Variants in RBKS observed in about 807,000 individuals in gnomAD.
RBKS encodes the protein ribokinase.
A neutral mutation model predicts 33.9 loss-of-function variants in RBKS; 33 were observed. The ratio of observed to expected loss-of-function variants is 0.97; its 90% CI spans 0.74 to 1.30. RBKS has a LOEUF of 1.30. RBKS is among the 50% of genes most tolerant of loss of function. The pLI is 0.00. For missense variants in RBKS, 361 were observed against 392.6 expected (o/e 0.92, Z 0.68); for synonymous variants, 125 against 143.0 (o/e 0.87, Z 0.90).
chr2:27,805,819 C>T (rs770490919), intron 7 of RBKS, among the ~76,000 whole-genome samples: 2 of 152,140 alleles, frequency 1.3e-5, no homozygotes, highest in Admixed American at 1.3e-4. Flanking sequence ...AAGTAATCCA[C>T]CCACACTGGC....
At chr2:27,872,905 G>A (rs991251376) in intron 1 of RBKS, among the ~76,000 whole-genome samples, 5 of 152,144 alleles carry the variant, frequency 3.3e-5, no homozygotes, top group Non-Finnish European at 7.4e-5. Context: ...TGGATGCAGA[G>A]GGGTAAAGGA....
intron 6 of RBKS, among the ~76,000 whole-genome samples, chr2:27,830,449 A>G (rs923353190): frequency 2.6e-5 from 4 of 152,094 alleles, no homozygotes; most frequent in African/African-American, 9.7e-5. Context: ...TATTTTTAGT[A>G]GAGACGGGGT....
chr2:27,866,882 T>C (rs969078914), intron 1 of RBKS, among the ~76,000 whole-genome samples: 11 of 152,054 alleles, frequency 7.2e-5, no homozygotes, highest in African/African-American at 2.4e-4. Flanking sequence ...GGTGGGAGGA[T>C]TGTTTGAGCT....
chr2:27,847,702 T>C (rs374078804), intron 3 of RBKS, among the ~76,000 whole-genome samples: 1 of 152,382 alleles, frequency 6.6e-6, no homozygotes, highest in South Asian at 2.1e-4. Context: ...TGTGAAATAA[T>C]GGTTTCAGCC....
chr2:27,878,275 T>C (rs894567828), intron 1 of RBKS, among the ~76,000 whole-genome samples: 15 of 151,794 alleles, frequency 9.9e-5, no homozygotes, highest in African/African-American at 3.6e-4. Context: ...AGTGAGAATA[T>C]GTGGTGTTTG....
chr2:27,823,998 T>C (rs527276078), intron 7 of RBKS, among the ~76,000 whole-genome samples: 2 of 152,250 alleles, frequency 1.3e-5, no homozygotes, highest in South Asian at 4.1e-4. Flanking sequence ...TCCAGAACAT[T>C]TTCATCACCC....
chr2:27,803,900 A>G (rs1677847831), intron 7 of RBKS, among the ~76,000 whole-genome samples: 1 of 151,296 alleles, frequency 6.6e-6, no homozygotes, highest in South Asian at 2.1e-4. Flanking sequence ...AAAGTACAAA[A>G]ATTAGCTGGG....
intron 7 of RBKS, among the ~76,000 whole-genome samples, chr2:27,813,412 G>A (rs1678028973): frequency 6.6e-6 from 1 of 152,136 alleles, no homozygotes; most frequent in South Asian, 2.1e-4. Context: ...TCTACCATAT[G>A]AAAGAATGGA....
At chr2:27,822,721 C>T (rs907142180) in intron 7 of RBKS, among the ~76,000 whole-genome samples, 3 of 151,910 alleles carry the variant, frequency 2.0e-5, no homozygotes, top group Non-Finnish European at 4.4e-5. Context: ...CAACTCTGAA[C>T]ACTATAGGAC....
intron 7 of RBKS, among the ~76,000 whole-genome samples, chr2:27,783,453 C>T (rs879694378): frequency 5.9e-5 from 9 of 152,300 alleles, no homozygotes; most frequent in Non-Finnish European, 1.0e-4. Context: ...TTTCCATTTT[C>T]TCTGAAGCTC....
intron 1 of RBKS, among the ~76,000 whole-genome samples, chr2:27,878,807 C>T (rs951448012): frequency 2.0e-5 from 3 of 152,026 alleles, no homozygotes; most frequent in African/African-American, 7.3e-5. Flanking sequence ...TTTCATGTGT[C>T]TTTTGGCTGC....
intron 7 of RBKS, among the ~76,000 whole-genome samples, chr2:27,801,963 A>AAT (rs869036134): frequency 0.016 from 749 of 47,546 alleles, 34 homozygotes; most frequent in Middle Eastern, 0.028. Flanking sequence ...AAAAAAAAAA[A>AAT]ATATATATAT....
At chr2:27,883,031 A>G (rs1455392883) in intron 1 of RBKS, among the ~76,000 whole-genome samples, 1 of 152,192 alleles carries the variant, frequency 6.6e-6, no homozygotes, top group Non-Finnish European at 1.5e-5. Flanking sequence ...TGGGTACAAC[A>G]AACCCGTGTG....
At chr2:27,879,231 T>C (rs1282683553) in intron 1 of RBKS, among the ~76,000 whole-genome samples, 1 of 152,216 alleles carries the variant, frequency 6.6e-6, no homozygotes, top group Non-Finnish European at 1.5e-5. Context: ...GCACTTACCA[T>C]GTCATACTAT....
intron 7 of RBKS, among the ~76,000 whole-genome samples, chr2:27,790,788 T>C (rs1182430432): frequency 6.6e-6 from 1 of 152,206 alleles, no homozygotes; most frequent in Non-Finnish European, 1.5e-5. Flanking sequence ...TTGGTGTAAA[T>C]GTGGAGATAC....
intron 6 of RBKS, among the ~76,000 whole-genome samples, chr2:27,831,104 C>T (rs990746354): frequency 1.6e-4 from 24 of 152,192 alleles, no homozygotes; most frequent in Non-Finnish European, 2.9e-4. Context: ...CCAGGCATCG[C>T]GTGGGAGAGT....
intron 2 of RBKS, among the ~76,000 whole-genome samples, chr2:27,850,950 A>G (rs1335143285): frequency 6.6e-6 from 1 of 152,194 alleles, no homozygotes; most frequent in Non-Finnish European, 1.5e-5. Context: ...CTGAGAGGTG[A>G]GTGCCTTAAA....
Position 27,801,986 on chromosome 2 carries a change from ATATATATTTTTTTTTTT to A in RBKS, c.796-20215_796-20199del, listed in dbSNP as rs1465718705. 4.5e-3 allele frequency among the ~76,000 whole-genome samples: 413 copies of A among 92,674 alleles called. 3 individuals carry two copies. Among genetic ancestry groups the A allele is most frequent in the African/African-American group, 0.019 (396 of 20,466 alleles). 60.8% of individuals were successfully genotyped at this position (92,674 alleles called of 152,430 possible). ...AAAATATATATATATATATATATAT[ATATATATTTTTTTTTTT>A]TTTTTTTTTTTTTTTTTAGAGAGAG... On this transcript the variant is annotated intron_variant, in intron 7 of 7. Coordinates refer to ENST00000302188, the MANE Select transcript of RBKS (RefSeq NM_022128.3).
chr2:27,811,615 G>A (rs1328484066), intron 7 of RBKS, among the ~76,000 whole-genome samples: 4 of 152,124 alleles, frequency 2.6e-5, no homozygotes, highest in African/African-American at 9.7e-5. Flanking sequence ...TAGCAATGTT[G>A]TAGCCTAGAG....
Sources: gnomAD v4.1 joint callset for allele counts (sites outside exome capture counted in the v4.1 genomes callset) on GRCh38, gnomAD v4.1.1 for gene constraint, MANE v1.5 for transcripts, NCBI Gene and HGNC (gene_info 2026-07-23, HGNC 2026-07-21) for gene names.